Variants in MTRR observed in about 807,000 individuals in gnomAD.
The protein encoded by MTRR is methionine synthase reductase.
In MTRR, 63 loss-of-function variants were observed where a neutral mutation model predicts 79.2. The observed-to-expected ratio is 0.80, with a 90% CI of 0.65 to 0.98. MTRR has a LOEUF of 0.98. MTRR is among the 50% of genes least tolerant of loss of function. The pLI is 0.00. For synonymous variants in MTRR, 355 were observed against 313.3 expected (o/e 1.13, Z -1.41); for missense variants, 895 against 839.6 (o/e 1.07, Z -0.82).
chr5:7,879,977 C>A (rs1735315936), intron 5 of MTRR, among the ~76,000 whole-genome samples: 1 of 152,164 alleles, frequency 6.6e-6, no homozygotes, highest in Admixed American at 6.5e-5. Flanking sequence ...AATGTGCTAC[C>A]CACAGATCCT....
chr5:7,883,184 A>G lies in MTRR; in HGVS notation c.810A>G (p.Ala270=). 1 of 1,614,272 alleles carries G rather than the reference A, an allele frequency of 6.2e-7. No individual in the cohort carries two copies. The highest frequency in any genetic ancestry group is 8.5e-7 in the Non-Finnish European group (1 of 1,180,046). ...QEESQVSVTS[A]DPVFQVPISK... is the part of the protein sequence containing the mutation. ...AAAGCCAAGTATCTGTGACTTCAGC[A>G]GATCCAGTTTTTCAAGTGCCAATTT... The change falls in exon 6 of 15, where the codon GCA becomes GCG. Residue 270 remains alanine (A), a synonymous_variant. Coordinates refer to ENST00000440940, the MANE Select transcript of MTRR (RefSeq NM_002454.3).
intron 14 of MTRR, among the ~76,000 whole-genome samples, chr5:7,897,724 A>G (rs778264544): frequency 2.0e-5 from 3 of 152,210 alleles, no homozygotes; most frequent in Non-Finnish European, 2.9e-5. Context: ...GTGTTACTGA[A>G]TTTGATCTAC....
chr5:7,883,766 A>T (rs1383805447), intron 6 of MTRR, among the ~76,000 whole-genome samples: 6 of 152,128 alleles, frequency 3.9e-5, no homozygotes, highest in Admixed American at 3.9e-4. Flanking sequence ...TCAGCCTGAG[A>T]GGAAGATGCT....
At chr5:7,861,595 T>G in intron 1 of MTRR, 1 of 1,592,814 alleles carries the variant, frequency 6.3e-7, no homozygotes, top group East Asian at 2.3e-5. Context: ...TTTATGGATA[T>G]CTTCATTAGC....
intron 1 of MTRR, among the ~76,000 whole-genome samples, chr5:7,860,793 G>T (rs573284405): frequency 6.6e-6 from 1 of 152,148 alleles, no homozygotes; most frequent in East Asian, 1.9e-4. Context: ...GCTATTTCTT[G>T]TAGAAGCTTC....
chr5:7,879,866 T>TGG (rs758109325), intron 5 of MTRR, among the ~76,000 whole-genome samples: 1 of 152,210 alleles, frequency 6.6e-6, no homozygotes, highest in African/African-American at 2.4e-5. Flanking sequence ...CACTGTCACT[T>TGG]GGATCTGCTG....
intron 1 of MTRR, among the ~76,000 whole-genome samples, chr5:7,856,312 AG>A (rs1203949716): frequency 6.6e-6 from 1 of 152,258 alleles, no homozygotes; most frequent in East Asian, 1.9e-4. Flanking sequence ...CAAACAACAA[AG>A]GCTTTAGAGA....
intron 1 of MTRR, chr5:7,861,530 C>A: frequency 7.8e-7 from 1 of 1,288,396 alleles, no homozygotes. Flanking sequence ...GATACCGCTG[C>A]TTATTAGCCT....
rs1476517905 is a variant in MTRR, at chr5:7,883,286, C to A, written c.903+9C>A. ...TAGAATTGGACATTTCAGTAAGTTG[C>A]AAAATTTATTTCTCAGCACAGTAAT... On this transcript the variant is annotated intron_variant, in intron 6 of 14. Coordinates refer to ENST00000440940, the MANE Select transcript of MTRR (RefSeq NM_002454.3). The A allele has an allele frequency of 6.2e-7, 1 of 1,614,022 alleles. No homozygotes were observed. The highest frequency in any genetic ancestry group is 1.3e-5 in the African/African-American group (1 of 74,940).
intron 3 of MTRR, 164 bp from the exon 4 acceptor site, chr5:7,875,094 T>C: frequency 1.6e-6 from 1 of 645,082 alleles, no homozygotes; most frequent in Non-Finnish European, 2.8e-6. Flanking sequence ...GAAAACTGCC[T>C]ACATGCATAG....
intron 4 of MTRR, among the ~76,000 whole-genome samples, chr5:7,877,381 A>T (rs975391333): frequency 6.6e-6 from 1 of 152,126 alleles, no homozygotes; most frequent in African/African-American, 2.4e-5. Flanking sequence ...TACTAAAATA[A>T]AAAAATAAAT....
rs923280866 is a variant in MTRR, at chr5:7,873,327, A to G, written c.130-46A>G. 3 of 1,610,296 alleles carry G rather than the reference A, an allele frequency of 1.9e-6. No individual in the cohort carries two copies. In the African/African-American group the frequency reaches 4.0e-5, roughly 22 times the overall value. On this transcript the variant is annotated intron_variant, in intron 2 of 14. Transcript: ENST00000440940. Reference sequence around the variant, plus strand: ...TGCTTTGCTGCTGAGTTAAATCAAAAATGCATGTAGTGTTAGGTCCCTGAC... The same window carrying G: ...TGCTTTGCTGCTGAGTTAAATCAAAGATGCATGTAGTGTTAGGTCCCTGAC...
upstream of MTRR, chr5:7,865,922 T>C (rs1746912730): frequency 6.2e-7 from 1 of 1,613,994 alleles, no homozygotes; most frequent in Non-Finnish European, 8.5e-7. Flanking sequence ...ATTCCAGGAC[T>C]GAGGCTAAGA....
chr5:7,869,334 C>T (rs1747439128), intron 1 of MTRR, 119 bp downstream of exon 1: 2 of 1,230,340 alleles, frequency 1.6e-6, no homozygotes, highest in African/African-American at 1.5e-5. Context: ...TTCCCACGCC[C>T]TTCGGCCTCC....
chr5:7,866,608 T>A (rs770137869), upstream of MTRR: 1 of 1,456,404 alleles, frequency 6.9e-7, no homozygotes. Context: ...GTTCAAAGGT[T>A]ACTTTTTTCC....
chr5:7,889,299 C>A (rs139730499), intron 9 of MTRR, 24 bp downstream of exon 9: 5 of 1,612,136 alleles, frequency 3.1e-6, no homozygotes, highest in Non-Finnish European at 4.2e-6. Context: ...TTCACAAGCA[C>A]CTTGGTGGCT....
chr5:7,867,610 G>A, upstream of MTRR: 1 of 1,614,232 alleles, frequency 6.2e-7, no homozygotes, highest in Non-Finnish European at 8.5e-7. Context: ...AAGCTTGAAA[G>A]ATGCTATTCT....
chr5:7,897,271 C>T (rs1037228818), intron 14 of MTRR, 24 bp downstream of exon 14: 107 of 1,610,092 alleles, frequency 6.6e-5, no homozygotes, highest in Non-Finnish European at 8.0e-5. Context: ...GTGCCTAAGT[C>T]GGGTAGGAGA....
In MTRR at chr5:7,869,152, C is replaced by T. The variant is rs774562542; in HGVS notation, c.-89C>T. The T allele has an allele frequency of 6.2e-7, 1 of 1,613,106 alleles. No individual in the cohort carries two copies. The highest frequency in any genetic ancestry group is 2.2e-5 in the East Asian group (1 of 44,862). ...ACCGAGCATGGGCGCTGCGTCAGTG[C>T]GCGCTGGCGCAAGGTTGGTGGAAGT... On this transcript the variant is annotated 5_prime_UTR_variant, in exon 1 of 15. Coordinates refer to ENST00000440940, the MANE Select transcript of MTRR (RefSeq NM_002454.3).
Sources: gnomAD v4.1 joint callset for allele counts (sites outside exome capture counted in the v4.1 genomes callset) on GRCh38, gnomAD v4.1.1 for gene constraint, MANE v1.5 for transcripts, NCBI Gene and HGNC (gene_info 2026-07-23, HGNC 2026-07-21) for gene names.